Variants in RGL1 observed in about 807,000 individuals in gnomAD.
RGL1 encodes the protein ral guanine nucleotide dissociation stimulator like 1.
Under a neutral mutation model 95.2 loss-of-function variants are expected in RGL1, and 24 were observed. That is an observed-to-expected ratio of 0.25 (90% CI 0.18 to 0.35). The LOEUF is 0.35. RGL1 is among the 10% of genes least tolerant of loss of function. The pLI is 1.00. For missense variants in RGL1, 715 were observed against 936.3 expected (o/e 0.76, Z 3.08); for synonymous variants, 329 against 344.9 (o/e 0.95, Z 0.51).
intron 2 of RGL1, among the ~76,000 whole-genome samples, chr1:183,793,158 T>G (rs1660517245): frequency 6.6e-6 from 1 of 152,276 alleles, no homozygotes; most frequent in South Asian, 2.1e-4. Flanking sequence ...AACTGGCTTT[T>G]GACAAAAGCA....
intron 2 of RGL1, among the ~76,000 whole-genome samples, chr1:183,815,000 G>A (rs943757264): frequency 5.3e-5 from 8 of 152,182 alleles, no homozygotes; most frequent in Non-Finnish European, 1.2e-4. Flanking sequence ...GGCTGAGCGC[G>A]GTGGCTCTCG....
chr1:183,675,460 G>T (rs1464551939), intron 1 of RGL1, among the ~76,000 whole-genome samples: 2 of 147,256 alleles, frequency 1.4e-5, no homozygotes, highest in Non-Finnish European at 3.0e-5. Context: ...TTGGAAAATG[G>T]ACATTGTTGA....
chr1:183,902,627 C>G, intron 12 of RGL1, 27 bp downstream of exon 12: 1 of 1,602,790 alleles, frequency 6.2e-7, no homozygotes, highest in African/African-American at 1.3e-5. Context: ...GCTGTGTTTC[C>G]TTTGTCTGAG....
chr1:183,912,416 T>G (rs1282187537), intron 15 of RGL1, 148 bp downstream of exon 15: 1 of 656,392 alleles, frequency 1.5e-6, no homozygotes, highest in Non-Finnish European at 2.5e-6. Context: ...AAGAGTTCAA[T>G]TTGGGGACAT....
At chr1:183,740,299 A>C (rs893863075) in intron 1 of RGL1, among the ~76,000 whole-genome samples, 23 of 152,076 alleles carry the variant, frequency 1.5e-4, no homozygotes, top group African/African-American at 5.3e-4. Flanking sequence ...CTGGTTCCTA[A>C]TGGGAGGGTA....
intron 2 of RGL1, among the ~76,000 whole-genome samples, chr1:183,753,034 C>T (rs535977422): frequency 3.1e-4 from 47 of 152,128 alleles, no homozygotes; most frequent in Admixed American, 7.2e-4. Context: ...GTCTTTCATC[C>T]GTCTGGAAAT....
At chr1:183,688,284 C>T (rs949379346) in intron 1 of RGL1, among the ~76,000 whole-genome samples, 1 of 152,158 alleles carries the variant, frequency 6.6e-6, no homozygotes, top group Non-Finnish European at 1.5e-5. Flanking sequence ...CATGAAACAG[C>T]TCTAAATAGT....
At chr1:183,877,913 T>C (rs1666601094) in intron 4 of RGL1, among the ~76,000 whole-genome samples, 1 of 152,156 alleles carries the variant, frequency 6.6e-6, no homozygotes, top group African/African-American at 2.4e-5. Flanking sequence ...CAGCTCTCCA[T>C]AGAGGTAAGT....
At position 183,851,413 on chromosome 1, in the gene RGL1, C is replaced by T. The variant is rs563659216; in HGVS notation, c.347+3639C>T. The stretch of plus-strand genomic sequence containing the variant: ...GCCACTGGTACTTAACCTCCAGGGG[C>T]GCTCACTTGGAATGCCCTCTGCATA... On this transcript the variant is annotated intron_variant, in intron 3 of 17. Coordinates refer to ENST00000360851, the MANE Select transcript of RGL1 (RefSeq NM_001297671.3). Among the ~76,000 whole-genome samples, 13 of 152,222 alleles carry T rather than the reference C, an allele frequency of 8.5e-5. No individual in the cohort carries two copies. The South Asian group carries it at 2.5e-3, about 29-fold the overall frequency.
intron 2 of RGL1, among the ~76,000 whole-genome samples, chr1:183,774,232 C>T (rs1659465299): frequency 6.6e-6 from 1 of 152,172 alleles, no homozygotes; most frequent in South Asian, 2.1e-4. Flanking sequence ...ACCTGAACTA[C>T]AGAACCAAGC....
chr1:183,829,590 A>G (rs1308437500), intron 2 of RGL1, among the ~76,000 whole-genome samples: 3 of 152,108 alleles, frequency 2.0e-5, no homozygotes, highest in Non-Finnish European at 4.4e-5. Context: ...ATATACTCAT[A>G]TTTACACTTA....
At chr1:183,681,592 G>T (rs908284221) in intron 1 of RGL1, among the ~76,000 whole-genome samples, 1 of 152,126 alleles carries the variant, frequency 6.6e-6, no homozygotes, top group Non-Finnish European at 1.5e-5. Flanking sequence ...TTTTATTGAG[G>T]ATTTTTGCAT....
At chr1:183,861,806 CATTA>C (rs1410143791) in intron 3 of RGL1, among the ~76,000 whole-genome samples, 1 of 152,174 alleles carries the variant, frequency 6.6e-6, no homozygotes, top group Non-Finnish European at 1.5e-5. Context: ...ATTCTATGGC[CATTA>C]ATTAAACATA....
intron 16 of RGL1, among the ~76,000 whole-genome samples, chr1:183,921,854 A>G (rs1669324175): frequency 6.6e-6 from 1 of 152,254 alleles, no homozygotes; most frequent in South Asian, 2.1e-4. Flanking sequence ...AAGCAGTTCA[A>G]CATGGGAGGA....
In RGL1 at chr1:183,705,766, G is replaced by T. The variant is rs1022749912; in HGVS notation, c.-32-36360G>T. Reference sequence around the variant, plus strand: ...GTATGGCTTGGTTAATGAGCCTGAGGTCCTGGACTAAGCAATAAGTTCCAT... The same window carrying T: ...GTATGGCTTGGTTAATGAGCCTGAGTTCCTGGACTAAGCAATAAGTTCCAT... On this transcript the variant is annotated intron_variant, in intron 1 of 18. Transcript: ENST00000304685. Among the ~76,000 whole-genome samples the T allele has an allele frequency of 2.0e-5, 3 of 152,180 alleles. No individual in the cohort carries two copies. The East Asian group carries it at 5.8e-4, about 29-fold the overall frequency.
chr1:183,684,887 C>A (rs566527244), intron 1 of RGL1, among the ~76,000 whole-genome samples: 1 of 152,178 alleles, frequency 6.6e-6, no homozygotes, highest in Non-Finnish European at 1.5e-5. Flanking sequence ...GACGCCCCCA[C>A]CCTGCTTCGG....
At chr1:183,679,241 A>C (rs1344427122) in intron 1 of RGL1, among the ~76,000 whole-genome samples, 1 of 152,036 alleles carries the variant, frequency 6.6e-6, no homozygotes, top group African/African-American at 2.4e-5. Flanking sequence ...TACATTTATT[A>C]TTTATTTTTA....
At chr1:183,804,545 T>C (rs3814328), upstream of RGL1, among the ~76,000 whole-genome samples, 93,074 of 151,964 alleles carry the variant, frequency 0.61, 28,814 homozygotes, top group African/African-American at 0.69. Context: ...CTGTCAGTCC[T>C]AGCAAAACCT....
intron 1 of RGL1, chr1:183,648,173 A>G (rs191068943): frequency 9.9e-6 from 16 of 1,614,212 alleles, no homozygotes; most frequent in Admixed American, 8.3e-5. Context: ...CTGAGACACC[A>G]CTTATAAAGC....
Sources: gnomAD v4.1 joint callset for allele counts (sites outside exome capture counted in the v4.1 genomes callset) on GRCh38, gnomAD v4.1.1 for gene constraint, MANE v1.5 for transcripts, NCBI Gene and HGNC (gene_info 2026-07-23, HGNC 2026-07-21) for gene names.